The following PARK7 variants were observed in gnomAD, a reference collection of about 807,000 sequenced individuals.
PARK7 encodes the protein Parkinson disease protein 7.
In PARK7, 14 loss-of-function variants were observed where a neutral mutation model predicts 20.5. The ratio of observed to expected loss-of-function variants is 0.68; its 90% CI spans 0.45 to 1.07. PARK7 has a LOEUF of 1.07. Ranked by LOEUF, PARK7 falls within the 50% of genes least tolerant of loss-of-function variation. The probability of loss-of-function intolerance (pLI) is 0.00; values close to 1 mark genes in which losing one functional copy is unlikely to be tolerated. For missense variants in PARK7, 234 were observed against 238.1 expected (o/e 0.98, Z 0.11); for synonymous variants, 98 against 84.3 (o/e 1.16, Z -0.89).
intron 3 of PARK7, among the ~76,000 whole-genome samples, chr1:7,968,512 C>T (rs186777642): frequency 6.6e-6 from 1 of 151,600 alleles, no homozygotes; most frequent in African/African-American, 2.4e-5. Flanking sequence ...ATTTGTTTCT[C>T]TATTAATTTT....
chr1:7,969,520 A>G (rs1290814053), intron 4 of PARK7, 116 bp downstream of exon 4: 3 of 786,990 alleles, frequency 3.8e-6, no homozygotes, highest in Non-Finnish European at 6.2e-6. Flanking sequence ...TTTCGGGAGG[A>G]GGCTGTGAAA....
chr1:7,978,992 G>A (rs980319104), intron 6 of PARK7, among the ~76,000 whole-genome samples: 2 of 151,638 alleles, frequency 1.3e-5, no homozygotes, highest in Non-Finnish European at 2.9e-5. Context: ...AATATCTTAT[G>A]TTATCTTTTA....
chr1:7,975,889 A>G (rs1277919638), intron 5 of PARK7, among the ~76,000 whole-genome samples: 2 of 152,246 alleles, frequency 1.3e-5, no homozygotes, highest in East Asian at 1.9e-4. Flanking sequence ...TAATTATTCA[A>G]TTCTTACGGA....
At chr1:7,974,138 C>G (rs1209213557) in intron 5 of PARK7, among the ~76,000 whole-genome samples, 1 of 148,442 alleles carries the variant, frequency 6.7e-6, no homozygotes, top group African/African-American at 2.5e-5. Context: ...AGTGAGACCC[C>G]CCCACCGACC....
At chr1:7,970,376 G>A (rs901996492) in intron 4 of PARK7, among the ~76,000 whole-genome samples, 2 of 152,190 alleles carry the variant, frequency 1.3e-5, no homozygotes, top group Admixed American at 1.3e-4. Flanking sequence ...GGGGGAAGCT[G>A]TGGGGCTAGG....
At chr1:7,970,746 T>C in intron 4 of PARK7, 148 bp from the exon 5 acceptor site, 2 of 779,790 alleles carry the variant, frequency 2.6e-6, no homozygotes, top group East Asian at 2.7e-5. Context: ...TTGATCATTT[T>C]TATACCAATG....
chr1:7,967,768 A>G (rs1271306415), intron 3 of PARK7, among the ~76,000 whole-genome samples: 1 of 151,924 alleles, frequency 6.6e-6, no homozygotes, highest in African/African-American at 2.4e-5. Flanking sequence ...AAAATAAAAA[A>G]AATTAGCTGG....
rs1321812224 is a variant in PARK7, at chr1:7,984,632, C to A, written c.410-262C>A. On this transcript the variant is annotated intron_variant, in intron 6 of 6. Transcript: ENST00000338639. The surrounding 1 kb of genome is among the most constrained non-coding windows in gnomAD (Gnocchi z 4.3). ...TGTCATTCACCGACATCTCCCCCAA[C>A]ACTTAAAGTCTTAGCAGCTGCATTT... 6.6e-6 allele frequency among the ~76,000 whole-genome samples: 1 copy of A among 151,778 alleles called. No homozygotes were observed. The highest frequency in any genetic ancestry group is 2.4e-5 in the African/African-American group (1 of 41,012).
intron 6 of PARK7, among the ~76,000 whole-genome samples, chr1:7,979,199 G>C (rs913049979): frequency 6.6e-6 from 1 of 152,138 alleles, no homozygotes; most frequent in Non-Finnish European, 1.5e-5. Context: ...CACTTTAAAA[G>C]TGATGCACTT....
intron 6 of PARK7, among the ~76,000 whole-genome samples, chr1:7,982,407 A>T (rs1038983625): frequency 6.6e-6 from 1 of 152,174 alleles, no homozygotes; most frequent in Non-Finnish European, 1.5e-5. Flanking sequence ...AATTCGCTAT[A>T]GGGTCACAAT....
chr1:7,969,441 G>C (rs765215536), intron 4 of PARK7, 37 bp downstream of exon 4: 3 of 660,878 alleles, frequency 4.5e-6, no homozygotes, highest in South Asian at 4.8e-5. Flanking sequence ...CAATAAAGCT[G>C]GGGGGGGGGA....
At chr1:7,969,458 A>G (rs1490465697) in intron 4 of PARK7, 54 bp downstream of exon 4, 1 of 1,193,658 alleles carries the variant, frequency 8.4e-7, no homozygotes, top group Non-Finnish European at 1.2e-6. Flanking sequence ...GGGAAAAACT[A>G]AAGAATTTCA....
chr1:7,969,543 C>A, intron 4 of PARK7, 139 bp downstream of exon 4: 1 of 715,916 alleles, frequency 1.4e-6, no homozygotes, highest in Non-Finnish European at 2.4e-6. Flanking sequence ...AAAATAGAAA[C>A]AACTAAAATT....
Position 7,977,698 on chromosome 1 carries a change from TACAAC to T in PARK7, c.373_377del (p.Thr125ProfsTer4). The T allele has an allele frequency of 6.2e-7, 1 of 1,614,186 alleles. No individual in the cohort carries two copies. Among genetic ancestry groups the T allele is most frequent in the Non-Finnish European group, 8.5e-7 (1 of 1,180,012 alleles). On this transcript the variant is annotated frameshift_variant, in exon 6 of 7. Coordinates refer to ENST00000338639, the MANE Select transcript of PARK7 (RefSeq NM_007262.5). LOFTEE classifies it high-confidence loss of function. ...ATGAAATAGGTTTTGGAAGTAAAGT[TACAAC>T]ACACCCTCTTGCTAAAGACAAAATG...
chr1:7,983,298 A>T (rs943222203), intron 6 of PARK7, among the ~76,000 whole-genome samples: 1 of 152,218 alleles, frequency 6.6e-6, no homozygotes, highest in African/African-American at 2.4e-5. Context: ...GTGCATCAGG[A>T]TAGAGCAGGA....
intron 6 of PARK7, among the ~76,000 whole-genome samples, chr1:7,983,193 CAGA>C (rs1578106032): frequency 6.6e-6 from 1 of 152,214 alleles, no homozygotes; most frequent in East Asian, 1.9e-4. Flanking sequence ...GCACTGGGAA[CAGA>C]AGAAGGAAGA....
chr1:7,967,922 A>C (rs529126509), intron 3 of PARK7, among the ~76,000 whole-genome samples: 5 of 152,262 alleles, frequency 3.3e-5, no homozygotes, highest in South Asian at 2.1e-4. Flanking sequence ...GCTTCTCTCT[A>C]AAAAAATTTT....
chr1:7,970,247 A>G (rs935327610), intron 4 of PARK7, among the ~76,000 whole-genome samples: 1 of 152,180 alleles, frequency 6.6e-6, no homozygotes. Flanking sequence ...TGGGACCGTT[A>G]TGAACAGATG....
Position 7,984,494 on chromosome 1 carries a change from G to A in PARK7, c.410-400G>A, listed in dbSNP as rs184828031. Among the ~76,000 whole-genome samples the A allele has an allele frequency of 3.1e-3, 472 of 152,290 alleles. 1 individual carries two copies. Among genetic ancestry groups the A allele is most frequent in the African/African-American group, 0.011 (454 of 41,562 alleles). On this transcript the variant is annotated intron_variant, in intron 6 of 6. Transcript: ENST00000338639. This position sits in a 1 kb window ranked among gnomAD's most constrained non-coding sequence, Gnocchi z 4.3. Reference sequence around the variant, plus strand: ...TGAGGCATCAGAGGGTGTGCGTGCCGCCACATGTTGATTGGGGTGGCTTCT... The same window carrying A: ...TGAGGCATCAGAGGGTGTGCGTGCCACCACATGTTGATTGGGGTGGCTTCT...
Sources: allele counts gnomAD v4.1 joint callset (sites outside exome capture counted in the v4.1 genomes callset), GRCh38; gene constraint gnomAD v4.1.1; non-coding constraint Gnocchi (gnomAD v3.1); transcripts MANE v1.5; gene names NCBI Gene and HGNC (gene_info 2026-07-23, HGNC 2026-07-21).